TLN2: variants seen among roughly 807,000 people sequenced by gnomAD.
The protein encoded by TLN2 is talin-2.
In TLN2, 118 loss-of-function variants were observed where a neutral mutation model predicts 294.7. The ratio of observed to expected loss-of-function variants is 0.40; its 90% CI spans 0.34 to 0.47. The LOEUF (loss-of-function observed/expected upper bound fraction) is 0.47. Among genes scored for constraint, TLN2 ranks in the 20% least tolerant of loss-of-function variants. The pLI, the probability that TLN2 is intolerant of heterozygous loss-of-function variation, is 0.84. For synonymous variants in TLN2, 1,431 were observed against 1,304.5 expected (o/e 1.10, Z -2.09); for missense variants, 3,083 against 3,282.2 (o/e 0.94, Z 1.48).
rs558120923 is a variant in TLN2, at chr15:62,763,114, T to C, written c.4962-449T>C. 3 of 154,298 alleles carry C rather than the reference T, an allele frequency of 1.9e-5. No individual in the cohort carries two copies. In the East Asian group the frequency reaches 5.7e-4, roughly 29 times the overall value. The allele number at this position is 154,298 out of a possible 1,614,324, so 9.6% of individuals were successfully genotyped here. On this transcript the variant is annotated intron_variant, in intron 39 of 58. Coordinates refer to ENST00000636159, the MANE Select transcript of TLN2 (RefSeq NM_015059.3). The stretch of plus-strand genomic sequence containing the variant: ...TTTCTTAATGCCTTGCAAAGAAAAA[T>C]TCACTACATGTTTTAATTCCTACTG...
At chr15:62,708,411 G>T in intron 20 of TLN2, 91 bp from the exon 21 acceptor site, 1 of 1,374,258 alleles carries the variant, frequency 7.3e-7, no homozygotes, top group Non-Finnish European at 1.0e-6. Context: ...GAGGCCCAGA[G>T]CAGGAAGGGC....
At chr15:62,813,399 G>A (rs756774420) in intron 52 of TLN2, among the ~76,000 whole-genome samples, 3 of 152,126 alleles carry the variant, frequency 2.0e-5, no homozygotes, top group African/African-American at 7.2e-5. Flanking sequence ...AGGGTAGTTG[G>A]TACTAAAATG....
chr15:62,611,780 C>G (rs895127114), intron 2 of TLN2, among the ~76,000 whole-genome samples: 1 of 152,218 alleles, frequency 6.6e-6, no homozygotes, highest in African/African-American at 2.4e-5. Flanking sequence ...AGCTCTACCA[C>G]TGACTAGCCA....
chr15:62,817,577 C>G (rs565691355), intron 52 of TLN2, among the ~76,000 whole-genome samples: 13 of 152,270 alleles, frequency 8.5e-5, no homozygotes, highest in African/African-American at 2.9e-4. Context: ...TAGGGCTGGT[C>G]ATGGTGTAAC....
At chr15:62,640,528 C>T (rs1449285436) in intron 3 of TLN2, among the ~76,000 whole-genome samples, 4 of 152,132 alleles carry the variant, frequency 2.6e-5, no homozygotes, top group African/African-American at 7.2e-5. Flanking sequence ...CTAAGTTGCC[C>T]CTAGGCAGAG....
rs1313386870 is a variant in TLN2 at position 62,752,333 on chromosome 15, C to T, written c.4238C>T (p.Ser1413Leu). The T allele has an allele frequency of 6.2e-7, 1 of 1,613,962 alleles. No homozygotes were observed. The highest frequency in any genetic ancestry group is 8.5e-7 in the Non-Finnish European group (1 of 1,180,020). Residue 1413 changes from serine to leucine, a missense_variant, in exon 35 of 59, where the codon TCA becomes TTA. By Grantham distance (145) the Ser-to-Leu change is moderately radical. Coordinates refer to ENST00000636159, the MANE Select transcript of TLN2 (RefSeq NM_015059.3). The stretch of plus-strand genomic sequence containing the variant: ...CTGGGTGAATCGATGGCAGGGATTT[C>T]ACAGAATGCCAAGACCGGAGACCTC... Reference protein sequence around the residue: ...KVLGESMAGISQNAKTGDLPA... With the variant: ...KVLGESMAGILQNAKTGDLPA...
At chr15:62,796,447 A>G (rs1596026583) in intron 47 of TLN2, among the ~76,000 whole-genome samples, 154 bp downstream of exon 47, 1 of 152,222 alleles carries the variant, frequency 6.6e-6, no homozygotes, top group Non-Finnish European at 1.5e-5. Flanking sequence ...TGTAATCAGA[A>G]TAAGCCCCCT....
At chr15:62,466,975 C>T (rs1315616966) in intron 1 of TLN2, among the ~76,000 whole-genome samples, 3 of 152,284 alleles carry the variant, frequency 2.0e-5, no homozygotes, top group Non-Finnish European at 4.4e-5. Context: ...TTCTGAAAGC[C>T]AGTGAAGAAT....
At position 62,652,035 on chromosome 15, in the gene TLN2, C is replaced by G; in HGVS notation, c.265C>G (p.Pro89Ala). The change falls in exon 6 of 59, where the codon CCT becomes GCT. Residue 89 changes from proline (P) to alanine (A), a missense_variant. Pro to Ala is a conservative substitution (Grantham distance 27). Coordinates refer to ENST00000636159, the MANE Select transcript of TLN2 (RefSeq NM_015059.3). ...DILEYKKKQR[P>A]QKIRMLDGSV... The stretch of plus-strand genomic sequence containing the variant: ...TTTGGAATATAAAAAGAAACAGAGA[C>G]CTCAGAAAATCCGGATGCTGGATGG... The G allele has an allele frequency of 6.2e-7, 1 of 1,610,994 alleles. No individual in the cohort carries two copies. The highest frequency in any genetic ancestry group is 8.5e-7 in the Non-Finnish European group (1 of 1,178,170).
At chr15:62,651,243 C>T (rs1014829716) in intron 5 of TLN2, among the ~76,000 whole-genome samples, 1 of 152,154 alleles carries the variant, frequency 6.6e-6, no homozygotes, top group Non-Finnish European at 1.5e-5. Flanking sequence ...ACTCTACTTT[C>T]ATTTCACTGA....
rs184777382 is a variant in TLN2 at position 62,471,977 on chromosome 15, C to T, written c.-238+81292C>T. 2.5e-3 allele frequency among the ~76,000 whole-genome samples: 386 copies of T among 152,220 alleles called. 2 individuals carry two copies. Among genetic ancestry groups the T allele is most frequent in the South Asian group, 5.0e-3 (24 of 4,812 alleles). ...TTCCTGCCTCCTTTCTTCCTTCTCCCCTGCGCTTGACATTCTCCACTGCAT... is the reference window on the plus strand; with the variant it reads ...TTCCTGCCTCCTTTCTTCCTTCTCCTCTGCGCTTGACATTCTCCACTGCAT... On this transcript the variant is annotated intron_variant, in intron 1 of 58. Coordinates refer to ENST00000636159, the MANE Select transcript of TLN2 (RefSeq NM_015059.3).
chr15:62,430,319 TCTTATTGGG>T (rs1213016613), intron 1 of TLN2, among the ~76,000 whole-genome samples: 1 of 152,212 alleles, frequency 6.6e-6, no homozygotes, highest in Non-Finnish European at 1.5e-5. Context: ...AGTGTATCTG[TCTTATTGGG>T]CCAATCATGG....
chr15:62,744,938 C>T lies in TLN2; in HGVS notation c.4026-3413C>T, dbSNP rs79132148. Among the ~76,000 whole-genome samples the T allele has an allele frequency of 3.4e-3, 524 of 152,256 alleles. 5 individuals carry two copies. In the East Asian group the frequency reaches 0.054, roughly 16 times the overall value. On this transcript the variant is annotated intron_variant, in intron 32 of 58. Transcript: ENST00000636159. Reference sequence around the variant, plus strand: ...ATTTGCTCTTTCCTCCTTTCCCAGGCGCCTCTTCCCTGGAGGCAGGCAGAC... The same window carrying T: ...ATTTGCTCTTTCCTCCTTTCCCAGGTGCCTCTTCCCTGGAGGCAGGCAGAC...
intron 1 of TLN2, among the ~76,000 whole-genome samples, chr15:62,449,457 C>A (rs529411082): frequency 9.9e-5 from 15 of 152,212 alleles, no homozygotes; most frequent in African/African-American, 3.6e-4. Context: ...TTTACACATT[C>A]CTGTGCAGCA....
chr15:62,574,145 T>A (rs2044174934), intron 1 of TLN2, among the ~76,000 whole-genome samples: 1 of 151,998 alleles, frequency 6.6e-6, no homozygotes. Flanking sequence ...CCCATCTCAA[T>A]TATGAATTCT....
At chr15:62,693,329 C>T (rs1200584075) in intron 13 of TLN2, among the ~76,000 whole-genome samples, 1 of 151,686 alleles carries the variant, frequency 6.6e-6, no homozygotes, top group Non-Finnish European at 1.5e-5. Context: ...GAGATTCCAT[C>T]TCAAAAAAAA....
intron 1 of TLN2, among the ~76,000 whole-genome samples, chr15:62,465,134 T>A (rs554168021): frequency 6.7e-6 from 1 of 149,710 alleles, no homozygotes; most frequent in East Asian, 2.0e-4. Context: ...TTTTGGTTTT[T>A]GTTTTTAAGG....
intron 1 of TLN2, among the ~76,000 whole-genome samples, chr15:62,429,450 C>T (rs558599434): frequency 3.9e-5 from 6 of 152,244 alleles, no homozygotes; most frequent in East Asian, 1.9e-4. Flanking sequence ...GCTGGTGAGA[C>T]GTCTCCCCAC....
chr15:62,483,042 G>A (rs1467824757), intron 1 of TLN2, among the ~76,000 whole-genome samples: 1 of 152,194 alleles, frequency 6.6e-6, no homozygotes, highest in East Asian at 1.9e-4. Flanking sequence ...CAGCAGCCTT[G>A]CCTGTCTTCC....
Sources: gnomAD v4.1 joint callset for allele counts (sites outside exome capture counted in the v4.1 genomes callset) on GRCh38, gnomAD v4.1.1 for gene constraint, MANE v1.5 for transcripts, NCBI Gene and HGNC (gene_info 2026-07-23, HGNC 2026-07-21) for gene names.